FGD4: variants seen among roughly 807,000 people sequenced by gnomAD.
The protein encoded by FGD4 is FYVE, RhoGEF and PH domain-containing protein 4.
Under a neutral mutation model 102.0 loss-of-function variants are expected in FGD4, and 42 were observed. The observed-to-expected ratio is 0.41, with a 90% CI of 0.32 to 0.53. The LOEUF is 0.53. Ranked by LOEUF, FGD4 falls within the 20% of genes least tolerant of loss-of-function variation. FGD4 has a pLI of 0.21. For synonymous variants in FGD4, 380 were observed against 375.7 expected (o/e 1.01, Z -0.13); for missense variants, 902 against 1,078.2 (o/e 0.84, Z 2.29).
intron 2 of FGD4, among the ~76,000 whole-genome samples, chr12:32,576,052 C>A (rs1384708824): frequency 1.3e-5 from 2 of 152,078 alleles, no homozygotes; most frequent in Non-Finnish European, 2.9e-5. Context: ...ATTAAAAGAA[C>A]CACTTAAGTT....
chr12:32,625,824 AG>A, intron 14 of FGD4, 45 bp downstream of exon 14: 1 of 1,611,600 alleles, frequency 6.2e-7, no homozygotes, highest in Non-Finnish European at 8.5e-7. Flanking sequence ...TAACTATATA[AG>A]TGATGTAAAG....
chr12:32,576,343 A>C lies in FGD4; in HGVS notation c.397A>C (p.Ser133Arg). Residue 133 changes from serine (S) to arginine (R), a missense_variant, in exon 3 of 17, where the codon AGT (serine) becomes CGT (arginine). Physicochemically the swap from Ser to Arg is moderately radical, Grantham distance 110. Coordinates refer to ENST00000534526, the MANE Select transcript of FGD4 (RefSeq NM_001370298.3). ...HQTPRHKALP[S>R]AKPRMEEIKP... ...AACCCCCAGGCATAAAGCTTTACCT[A>C]GTGCAAAACCAAGGATGGAGGAAAT... The C allele has an allele frequency of 8.7e-6, 14 of 1,614,126 alleles. No individual in the cohort carries two copies. The highest frequency in any genetic ancestry group is 1.2e-5 in the Non-Finnish European group (14 of 1,180,008).
At chr12:32,482,206 A>AGGT (rs2136548823) in intron 1 of FGD4, among the ~76,000 whole-genome samples, 1 of 152,378 alleles carries the variant, frequency 6.6e-6, no homozygotes, top group African/African-American at 2.4e-5. Flanking sequence ...AATAGGAATA[A>AGGT]GGTGTTTTTC....
At chr12:32,604,771 G>A (rs953088271) in intron 7 of FGD4, among the ~76,000 whole-genome samples, 4 of 152,180 alleles carry the variant, frequency 2.6e-5, no homozygotes, top group Non-Finnish European at 5.9e-5. Flanking sequence ...TGAGCTGGGA[G>A]AGGAACAGGA....
In FGD4 at chr12:32,453,189, T is replaced by TTATATA. The variant is rs1338336775; in HGVS notation, c.166+53236_166+53241dup. Among the ~76,000 whole-genome samples the TTATATA allele has an allele frequency of 1.1e-3, 108 of 94,380 alleles. 1 individual carries two copies. Among genetic ancestry groups the TTATATA allele is most frequent in the East Asian group, 2.6e-3 (9 of 3,480 alleles). 61.9% of individuals were successfully genotyped at this position (94,380 alleles called of 152,430 possible). ...TATATATCTATATTATATATATATT[T>TTATATA]TATATATATATTATATATATATATA... On this transcript the variant is annotated intron_variant, in intron 1 of 16. Transcript: ENST00000534526.
intron 1 of FGD4, among the ~76,000 whole-genome samples, chr12:32,494,085 G>A (rs532013899): frequency 2.0e-5 from 3 of 152,314 alleles, no homozygotes; most frequent in Admixed American, 1.3e-4. Flanking sequence ...TAGCTATGTT[G>A]CCCAGGCTGG....
At chr12:32,510,406 A>G (rs1231971956) in intron 1 of FGD4, among the ~76,000 whole-genome samples, 1 of 152,146 alleles carries the variant, frequency 6.6e-6, no homozygotes, top group Non-Finnish European at 1.5e-5. Flanking sequence ...ACTAGAGGGA[A>G]TTACTAGAAA....
At chr12:32,429,693 T>C (rs1941982261) in intron 1 of FGD4, among the ~76,000 whole-genome samples, 1 of 152,236 alleles carries the variant, frequency 6.6e-6, no homozygotes, top group African/African-American at 2.4e-5. Context: ...CTGGGGCTGC[T>C]GCCTTTCTTT....
intron 4 of FGD4, among the ~76,000 whole-genome samples, chr12:32,593,861 A>T (rs1254276771): frequency 6.6e-6 from 1 of 152,238 alleles, no homozygotes; most frequent in East Asian, 1.9e-4. Flanking sequence ...AAGGTCTTGA[A>T]AAGAATAGGC....
At chr12:32,474,148 G>C (rs1330818299) in intron 1 of FGD4, among the ~76,000 whole-genome samples, 3 of 151,966 alleles carry the variant, frequency 2.0e-5, no homozygotes, top group Non-Finnish European at 4.4e-5. Context: ...ACACACTGCT[G>C]GTAGAAATGT....
intron 1 of FGD4, among the ~76,000 whole-genome samples, chr12:32,495,729 C>G (rs1192944503): frequency 6.9e-6 from 1 of 145,938 alleles, no homozygotes; most frequent in East Asian, 2.0e-4. Context: ...TTTCAGAATC[C>G]CCTCCACTAC....
At chr12:32,582,754 T>C (rs1946717007) in intron 4 of FGD4, 2 of 423,428 alleles carry the variant, frequency 4.7e-6, no homozygotes, top group South Asian at 2.8e-5. Context: ...TGTTTTTACA[T>C]AGAAAGAAAA....
intron 1 of FGD4, among the ~76,000 whole-genome samples, chr12:32,456,299 T>G (rs78759684): frequency 0.038 from 5,789 of 152,274 alleles, 171 homozygotes; most frequent in South Asian, 0.12. Flanking sequence ...ACTATTGCCA[T>G]AATTTGTGGC....
rs764612106 is a variant in FGD4 at position 32,602,123 on chromosome 12, A to T, written c.1248-38A>T. On this transcript the variant is annotated intron_variant, in intron 6 of 16. Coordinates refer to ENST00000534526, the MANE Select transcript of FGD4 (RefSeq NM_001370298.3). ...GAACAAGACCCTGTCTCAAAAAAAA[A>T]TTTTTTTTAAAGACTTGTTTTTCTA... The T allele has an allele frequency of 1.0e-5, 16 of 1,572,276 alleles. No individual in the cohort carries two copies. The East Asian group carries it at 1.4e-4, about 13-fold the overall frequency.
At chr12:32,504,342 G>A (rs10844223) in intron 1 of FGD4, among the ~76,000 whole-genome samples, 41,994 of 152,018 alleles carry the variant, frequency 0.28, 6,429 homozygotes, top group Middle Eastern at 0.45. Flanking sequence ...CGGGACAGGA[G>A]TGCATGGTCA....
At chr12:32,473,662 G>T (rs1013379739) in intron 1 of FGD4, among the ~76,000 whole-genome samples, 1 of 152,162 alleles carries the variant, frequency 6.6e-6, no homozygotes, top group African/African-American at 2.4e-5. Flanking sequence ...CCTGGGTGCA[G>T]CTCATCTCAA....
At chr12:32,534,247 C>T (rs1042404197) in intron 1 of FGD4, 3 of 1,239,520 alleles carry the variant, frequency 2.4e-6, no homozygotes, top group East Asian at 6.0e-5. Flanking sequence ...TGCAGCAGTC[C>T]GTCCTCTGGG....
chr12:32,555,874 CA>C (rs1255846590), intron 1 of FGD4, among the ~76,000 whole-genome samples: 2 of 152,066 alleles, frequency 1.3e-5, no homozygotes, highest in Non-Finnish European at 2.9e-5. Context: ...CCAGCCGAGA[CA>C]AGGTCTTTCA....
At chr12:32,566,485 G>A (rs537188369) in intron 2 of FGD4, among the ~76,000 whole-genome samples, 2 of 152,098 alleles carry the variant, frequency 1.3e-5, no homozygotes, top group South Asian at 2.1e-4. Context: ...CTATGTGTCC[G>A]CTCACATAGT....
Sources: gnomAD v4.1 joint callset for allele counts (sites outside exome capture counted in the v4.1 genomes callset) on GRCh38, gnomAD v4.1.1 for gene constraint, MANE v1.5 for transcripts, NCBI Gene and HGNC (gene_info 2026-07-23, HGNC 2026-07-21) for gene names.